The following MTMR8 variants were observed in gnomAD, a reference collection of about 807,000 sequenced individuals.
MTMR8 encodes myotubularin related protein 8.
Under a neutral mutation model 39.3 loss-of-function variants are expected in MTMR8, and 65 were observed. That is an observed-to-expected ratio of 1.65 (90% CI 1.35 to 2.03). The LOEUF (loss-of-function observed/expected upper bound fraction) is 2.03. MTMR8 is among the 30% of genes most tolerant of loss of function. The pLI, the probability that MTMR8 is intolerant of heterozygous loss-of-function variation, is 0.00. For missense variants in MTMR8, 777 were observed against 538.9 expected (o/e 1.44, Z -4.37); for synonymous variants, 245 against 185.2 (o/e 1.32, Z -2.62).
chrX:64,287,613 C>A (rs928040071), intron 12 of MTMR8, among the ~76,000 whole-genome samples: 1 of 110,654 alleles, frequency 9.0e-6, no homozygotes, highest in Non-Finnish European at 1.9e-5. Flanking sequence ...GCTACCAAAA[C>A]AGAGATATAG....
chrX:64,394,565 C>T (rs980017914), intron 1 of MTMR8, among the ~76,000 whole-genome samples: 1 of 111,628 alleles, frequency 9.0e-6, no homozygotes, highest in Non-Finnish European at 1.9e-5. Flanking sequence ...TGTTCCCCAG[C>T]CCCAGACAGG....
intron 1 of MTMR8, among the ~76,000 whole-genome samples, chrX:64,366,076 C>T (rs756895283): frequency 8.9e-6 from 1 of 112,075 alleles, no homozygotes; most frequent in South Asian, 3.8e-4. Context: ...TATATATGCA[C>T]CCAATACGGG....
chrX:64,276,305 T>C (rs866181137), intron 12 of MTMR8, among the ~76,000 whole-genome samples: 2 of 110,988 alleles, frequency 1.8e-5, no homozygotes, highest in Admixed American at 9.6e-5. Flanking sequence ...TAGTTCTAGA[T>C]GTTAGGGTGT....
chrX:64,379,908 C>T (rs1022735781), intron 1 of MTMR8, among the ~76,000 whole-genome samples: 8 of 110,988 alleles, frequency 7.2e-5, no homozygotes, highest in African/African-American at 2.6e-4. Context: ...TCCATTACAT[C>T]AACAAGCTAA....
chrX:64,382,077 G>C (rs1373708907), intron 1 of MTMR8, among the ~76,000 whole-genome samples: 1 of 111,513 alleles, frequency 9.0e-6, no homozygotes, highest in Non-Finnish European at 1.9e-5. Context: ...GGATTGACTT[G>C]GCAATGTGGG....
At chrX:64,392,566 C>T (rs1266478564) in intron 1 of MTMR8, among the ~76,000 whole-genome samples, 1 of 109,520 alleles carries the variant, frequency 9.1e-6, no homozygotes, top group Non-Finnish European at 1.9e-5. Context: ...AAGTGGACTT[C>T]TAGTAATGTT....
At chrX:64,326,807 C>T (rs1234124979) in intron 12 of MTMR8, among the ~76,000 whole-genome samples, 2 of 109,621 alleles carry the variant, frequency 1.8e-5, no homozygotes, top group Non-Finnish European at 3.8e-5. Context: ...TCAAAATGTA[C>T]TACAAAGCTA....
At chrX:64,371,796 G>A (rs1477425480) in intron 1 of MTMR8, among the ~76,000 whole-genome samples, 1 of 110,235 alleles carries the variant, frequency 9.1e-6, no homozygotes, top group Non-Finnish European at 1.9e-5. Context: ...GAAAGGATTA[G>A]GTAAATTTAA....
At chrX:64,293,923 C>T (rs776537917) in intron 12 of MTMR8, among the ~76,000 whole-genome samples, 1 of 111,979 alleles carries the variant, frequency 8.9e-6, no homozygotes, top group East Asian at 2.8e-4. Flanking sequence ...GCTCGTAACT[C>T]CATAGAACCT....
chrX:64,350,425 G>A (rs1194693375), intron 4 of MTMR8, among the ~76,000 whole-genome samples: 1 of 110,773 alleles, frequency 9.0e-6, no homozygotes, highest in African/African-American at 3.3e-5. Context: ...TTCAACATGG[G>A]GTTTTATGTG....
At chrX:64,325,007 C>A (rs1052300895) in intron 12 of MTMR8, among the ~76,000 whole-genome samples, 2 of 110,683 alleles carry the variant, frequency 1.8e-5, no homozygotes, top group African/African-American at 3.3e-5. Context: ...TAAAAAGCAT[C>A]ACAAGACAGT....
chrX:64,375,759 C>T (rs181801567), intron 1 of MTMR8, among the ~76,000 whole-genome samples: 20 of 111,791 alleles, frequency 1.8e-4, no homozygotes, highest in African/African-American at 5.2e-4. Flanking sequence ...TTATCTTGGA[C>T]TTCACATCCT....
intron 1 of MTMR8, among the ~76,000 whole-genome samples, chrX:64,361,942 C>A (rs1264562438): frequency 9.0e-6 from 1 of 110,855 alleles, no homozygotes; most frequent in African/African-American, 3.3e-5. Flanking sequence ...AAAGAATCAA[C>A]CAAACTCTCA....
At chrX:64,331,449 A>G in intron 11 of MTMR8, 108 bp downstream of exon 11, 1 of 647,238 alleles carries the variant, frequency 1.5e-6, no homozygotes, top group South Asian at 2.7e-5. Context: ...TATTATTGTT[A>G]TCTCCTCCCC....
At chrX:64,373,517 A>G (rs2147242165) in intron 1 of MTMR8, among the ~76,000 whole-genome samples, 1 of 111,903 alleles carries the variant, frequency 8.9e-6, no homozygotes, top group South Asian at 3.8e-4. Flanking sequence ...CTACTCATAC[A>G]GCTTGCAGAA....
At chrX:64,319,778 C>G (rs777203896) in intron 12 of MTMR8, among the ~76,000 whole-genome samples, 17 of 111,080 alleles carry the variant, frequency 1.5e-4, no homozygotes, top group African/African-American at 3.9e-4. Flanking sequence ...TGTTTTGGTA[C>G]CAGTACCATG....
rs1931928205 is a variant in MTMR8, at chrX:64,278,459, G to GTTTTTTTTTTTTTTTTTT, written c.1482-7387_1482-7386insAAAAAAAAAAAAAAAAAA. On this transcript the variant is annotated intron_variant, in intron 12 of 13. Coordinates refer to ENST00000374852, the MANE Select transcript of MTMR8 (RefSeq NM_017677.4). ...TGATGTTGATGCTATTTATTTTGCT[G>GTTTTTTTTTTTTTTTTTT]GTTTTTTTTTTTTTTTTTTTTTTTT... 2.2e-4 allele frequency among the ~76,000 whole-genome samples: 11 copies of GTTTTTTTTTTTTTTTTTT among 49,855 alleles called. 3 individuals are homozygous for GTTTTTTTTTTTTTTTTTT. Among genetic ancestry groups the GTTTTTTTTTTTTTTTTTT allele is most frequent in the African/African-American group, 1.3e-3 (11 of 8,740 alleles). 43.3% of individuals were successfully genotyped at this position (49,855 alleles called of 115,157 possible).
chrX:64,385,356 C>T (rs996669820), intron 1 of MTMR8, among the ~76,000 whole-genome samples: 1 of 111,805 alleles, frequency 8.9e-6, no homozygotes, highest in Non-Finnish European at 1.9e-5. Flanking sequence ...TTCCTGTCTT[C>T]CTCTGAGCCC....
At position 64,343,093 on chromosome X, in the gene MTMR8, CT is replaced by C. The variant is rs774918667; in HGVS notation, c.975+517del. On this transcript the variant is annotated intron_variant, in intron 8 of 13. Coordinates refer to ENST00000374852, the MANE Select transcript of MTMR8 (RefSeq NM_017677.4). ...TACAAAGAAGTTTAAAAAAATAGGT[CT>C]TTGTACTCAGAGTTCTGAAAACTCA... Among the ~76,000 whole-genome samples, 70 of 111,502 alleles carry C rather than the reference CT, an allele frequency of 6.3e-4. 1 individual carries two copies. The East Asian group carries it at 0.018, about 29-fold the overall frequency.
Sources: gnomAD v4.1 joint callset for allele counts (sites outside exome capture counted in the v4.1 genomes callset) on GRCh38, gnomAD v4.1.1 for gene constraint, MANE v1.5 for transcripts, NCBI Gene and HGNC (gene_info 2026-07-23, HGNC 2026-07-21) for gene names.